Variants in ZFYVE9 observed in about 807,000 individuals in gnomAD.
ZFYVE9 encodes the protein zinc finger FYVE domain-containing protein 9.
A neutral mutation model predicts 126.7 loss-of-function variants in ZFYVE9; 43 were observed. The ratio of observed to expected loss-of-function variants is 0.34; its 90% CI spans 0.27 to 0.44. The LOEUF (loss-of-function observed/expected upper bound fraction) is 0.44, where lower values mean the gene tolerates loss of function less well. Ranked by LOEUF, ZFYVE9 falls within the 20% of genes least tolerant of loss-of-function variation. The pLI is 1.00. For missense variants in ZFYVE9, 1,476 were observed against 1,697.0 expected, an observed-to-expected ratio of 0.87 and a Z score of 2.29; for synonymous variants, 521 against 597.4, an observed-to-expected ratio of 0.87 and a Z score of 1.87.
Position 52,255,441 on chromosome 1 carries a change from C to T in ZFYVE9, c.2179-8332C>T, listed in dbSNP as rs1030897045. Among the ~76,000 whole-genome samples, 21 of 151,698 alleles carry T rather than the reference C, an allele frequency of 1.4e-4. No individual in the cohort carries two copies. In the South Asian group the frequency reaches 1.7e-3, roughly 12 times the overall value. ...ACTCTACTAAAAATACAAAATTAGC[C>T]GGGCATGGTGGCACATGCCTGTAGT... On this transcript the variant is annotated intron_variant, in intron 4 of 18. Transcript: ENST00000287727.
At position 52,274,676 on chromosome 1, in the gene ZFYVE9, A is replaced by G. The variant is rs1305049702; in HGVS notation, c.2746+92A>G. 3.7e-6 allele frequency: 5 copies of G among 1,360,320 alleles called. 1 individual carries two copies. Among genetic ancestry groups the G allele is most frequent in the Middle Eastern group, 4.7e-4 (2 of 4,296 alleles). The allele number at this position is 1,360,320 out of a possible 1,614,324, so 84.3% of individuals were successfully genotyped here. ...GAGAGACAGAATTTGAGTGACATTC[A>G]CCTTTCTCTTATCCAACAAAACAAA... On this transcript the variant is annotated intron_variant, in intron 8 of 18. Transcript: ENST00000287727.
At chr1:52,188,134 T>G (rs1644781462) in intron 1 of ZFYVE9, among the ~76,000 whole-genome samples, 1 of 152,234 alleles carries the variant, frequency 6.6e-6, no homozygotes. Context: ...CTCCATGGAA[T>G]ACTATGGCGC....
At chr1:52,317,483 GAAAAAA>G (rs58562006) in intron 13 of ZFYVE9, among the ~76,000 whole-genome samples, 1 of 146,276 alleles carries the variant, frequency 6.8e-6, no homozygotes, top group African/African-American at 2.5e-5. Flanking sequence ...CTCTGTCTCA[GAAAAAA>G]AAAAAAAAGA....
intron 2 of ZFYVE9, among the ~76,000 whole-genome samples, chr1:52,232,308 C>T (rs12091314): frequency 0.039 from 5,986 of 152,260 alleles, 305 homozygotes; most frequent in African/African-American, 0.12. Flanking sequence ...ATTTACTTAA[C>T]ACCTATTATG....
At chr1:52,231,740 C>T (rs1040101170) in intron 2 of ZFYVE9, among the ~76,000 whole-genome samples, 5 of 151,968 alleles carry the variant, frequency 3.3e-5, no homozygotes, top group African/African-American at 1.2e-4. Flanking sequence ...TCTCCCTCCT[C>T]AGCCTCCTGA....
chr1:52,157,930 A>C (rs748909398), intron 1 of ZFYVE9, among the ~76,000 whole-genome samples: 4 of 152,034 alleles, frequency 2.6e-5, no homozygotes, highest in Non-Finnish European at 5.9e-5. Flanking sequence ...GATAGCTTTG[A>C]TGCATGGTCT....
intron 4 of ZFYVE9, among the ~76,000 whole-genome samples, chr1:52,244,019 G>T (rs968279067): frequency 6.6e-6 from 1 of 152,156 alleles, no homozygotes; most frequent in Non-Finnish European, 1.5e-5. Context: ...TTGTGAAAGG[G>T]TTTATCACCT....
At chr1:52,215,837 A>G (rs1645067091) in intron 1 of ZFYVE9, among the ~76,000 whole-genome samples, 1 of 152,238 alleles carries the variant, frequency 6.6e-6, no homozygotes, top group East Asian at 1.9e-4. Flanking sequence ...TACTGGGTTA[A>G]TAGATCCATT....
intron 18 of ZFYVE9, 24 bp downstream of exon 18, chr1:52,344,968 T>C: frequency 6.2e-7 from 1 of 1,610,094 alleles, no homozygotes; most frequent in Non-Finnish European, 8.5e-7. Context: ...TCCGCAGCTT[T>C]TAAAGCTGGC....
rs186553737 is a variant in ZFYVE9 at position 52,175,625 on chromosome 1, G to A, written c.-143+33222G>A. Among the ~76,000 whole-genome samples the A allele has an allele frequency of 2.2e-4, 33 of 151,946 alleles. No homozygotes were observed. In the East Asian group the frequency reaches 3.1e-3, roughly 14 times the overall value. On this transcript the variant is annotated intron_variant, in intron 1 of 18. Transcript: ENST00000287727. ...TTGCCAACTTGGTTCCATTCTCCCCGTCACTTTCAGGTACACCATTCAGAT... is the reference window on the plus strand; with the variant it reads ...TTGCCAACTTGGTTCCATTCTCCCCATCACTTTCAGGTACACCATTCAGAT...
At chr1:52,175,578 T>G (rs552004969) in intron 1 of ZFYVE9, among the ~76,000 whole-genome samples, 5 of 151,498 alleles carry the variant, frequency 3.3e-5, no homozygotes, top group Admixed American at 2.0e-4. Context: ...GAAGTTCTCC[T>G]GGATAATATC....
intron 16 of ZFYVE9, among the ~76,000 whole-genome samples, chr1:52,338,928 T>G (rs995968324): frequency 6.6e-6 from 1 of 152,124 alleles, no homozygotes; most frequent in Non-Finnish European, 1.5e-5. Context: ...GGAGACTCAC[T>G]TGAATCGGGA....
intron 1 of ZFYVE9, chr1:52,180,457 T>C (rs1644687541): frequency 8.3e-7 from 1 of 1,207,574 alleles, no homozygotes; most frequent in African/African-American, 1.5e-5. Flanking sequence ...AAGAGGGACC[T>C]GGAGGAAAAC....
At chr1:52,269,377 C>G (rs1324499258) in intron 7 of ZFYVE9, among the ~76,000 whole-genome samples, 1 of 152,034 alleles carries the variant, frequency 6.6e-6, no homozygotes, top group Non-Finnish European at 1.5e-5. Context: ...GTGATCCACC[C>G]CCTCAGCCTC....
intron 4 of ZFYVE9, among the ~76,000 whole-genome samples, chr1:52,263,092 A>G (rs985629933): frequency 1.3e-5 from 2 of 151,410 alleles, no homozygotes; most frequent in African/African-American, 4.9e-5. Context: ...AAAAAAAAAA[A>G]AAAAAGAAAA....
intron 10 of ZFYVE9, among the ~76,000 whole-genome samples, chr1:52,286,121 A>G (rs962490948): frequency 6.6e-6 from 1 of 151,078 alleles, no homozygotes; most frequent in African/African-American, 2.4e-5. Flanking sequence ...GTGCCATTGC[A>G]CTCCAGCTTG....
chr1:52,225,285 A>G (rs895838187), intron 2 of ZFYVE9, among the ~76,000 whole-genome samples: 1 of 152,166 alleles, frequency 6.6e-6, no homozygotes, highest in Non-Finnish European at 1.5e-5. Flanking sequence ...GGCCACCACA[A>G]CGAGGCAGTG....
intron 1 of ZFYVE9, among the ~76,000 whole-genome samples, chr1:52,148,914 C>T (rs1644328816): frequency 7.6e-6 from 1 of 131,834 alleles, no homozygotes; most frequent in South Asian, 2.6e-4. Flanking sequence ...GCTGGGATTA[C>T]AGGAATGAGC....
intron 13 of ZFYVE9, among the ~76,000 whole-genome samples, chr1:52,313,553 G>A (rs954712814): frequency 6.6e-6 from 1 of 152,156 alleles, no homozygotes; most frequent in Admixed American, 6.6e-5. Flanking sequence ...GTGTCTATAC[G>A]AGGAAAGCAC....
Sources: gnomAD v4.1 joint callset for allele counts (sites outside exome capture counted in the v4.1 genomes callset) on GRCh38, gnomAD v4.1.1 for gene constraint, MANE v1.5 for transcripts, NCBI Gene and HGNC (gene_info 2026-07-23, HGNC 2026-07-21) for gene names.